Variants in FBXO16 observed in about 807,000 individuals in gnomAD.
FBXO16 encodes F-box protein 16.
A neutral mutation model predicts 41.0 loss-of-function variants in FBXO16; 31 were observed. The observed-to-expected ratio is 0.76, with a 90% CI of 0.57 to 1.02. The LOEUF (loss-of-function observed/expected upper bound fraction) is 1.02. Ranked by LOEUF, FBXO16 falls within the 50% of genes least tolerant of loss-of-function variation. FBXO16 has a pLI of 0.00. For missense variants in FBXO16, 361 were observed against 346.2 expected (o/e 1.04, Z -0.34); for synonymous variants, 133 against 117.8 (o/e 1.13, Z -0.84).
intron 2 of FBXO16, among the ~76,000 whole-genome samples, chr8:28,477,571 T>G (rs1324480077): frequency 1.3e-5 from 2 of 152,190 alleles, no homozygotes; most frequent in South Asian, 2.1e-4. Flanking sequence ...TATGTATGGG[T>G]GTGTGTGTAT....
chr8:28,458,645 C>T (rs536342226), intron 4 of FBXO16, among the ~76,000 whole-genome samples: 5 of 150,204 alleles, frequency 3.3e-5, no homozygotes, highest in South Asian at 4.2e-4. Context: ...CTCCGCCTCC[C>T]GGGATCAAGC....
chr8:28,432,272 G>A (rs575654500), intron 7 of FBXO16, among the ~76,000 whole-genome samples: 2 of 151,904 alleles, frequency 1.3e-5, no homozygotes, highest in African/African-American at 4.8e-5. Flanking sequence ...TCAGGAGTTC[G>A]AGACCAGCCT....
intron 6 of FBXO16, among the ~76,000 whole-genome samples, chr8:28,449,311 ACTT>A (rs1032955491): frequency 1.4e-5 from 2 of 144,376 alleles, no homozygotes; most frequent in Non-Finnish European, 3.0e-5. Flanking sequence ...CAATATGTAG[ACTT>A]CTTTTTTTTT....
chr8:28,439,011 A>C (rs1802724311), intron 7 of FBXO16, among the ~76,000 whole-genome samples: 1 of 151,446 alleles, frequency 6.6e-6, no homozygotes, highest in African/African-American at 2.4e-5. Flanking sequence ...GAGGCAGGAG[A>C]ATCGTTTGAA....
At chr8:28,478,478 T>C (rs1338774984) in intron 2 of FBXO16, among the ~76,000 whole-genome samples, 1 of 152,070 alleles carries the variant, frequency 6.6e-6, no homozygotes, top group Non-Finnish European at 1.5e-5. Context: ...CTTGCCACAA[T>C]GTAAGACAAA....
At chr8:28,489,531 A>C (rs1456394181) in intron 1 of FBXO16, among the ~76,000 whole-genome samples, 3 of 75,900 alleles carry the variant, frequency 4.0e-5, no homozygotes, top group African/African-American at 1.1e-4. Context: ...TCTACAAAAA[A>C]AAAAAAAAAA....
At chr8:28,484,886 G>A (rs757456868) in intron 1 of FBXO16, among the ~76,000 whole-genome samples, 107 of 151,710 alleles carry the variant, frequency 7.1e-4, no homozygotes, top group Middle Eastern at 3.4e-3. Context: ...GAGCCACCGC[G>A]CCCGGCCAAG....
chr8:28,468,355 T>C (rs1803278598), intron 3 of FBXO16, among the ~76,000 whole-genome samples: 1 of 152,138 alleles, frequency 6.6e-6, no homozygotes, highest in South Asian at 2.1e-4. Context: ...AGTGAGAAGG[T>C]TGCTAGGGCG....
At chr8:28,488,348 G>A (rs925208941) in intron 1 of FBXO16, among the ~76,000 whole-genome samples, 3 of 146,710 alleles carry the variant, frequency 2.0e-5, no homozygotes, top group African/African-American at 7.7e-5. Context: ...TCAGGCTGGA[G>A]GGCAGTGGTG....
intron 7 of FBXO16, among the ~76,000 whole-genome samples, chr8:28,433,956 A>ATTTTTTTTT (rs773888558): frequency 3.6e-4 from 42 of 118,296 alleles, no homozygotes; most frequent in African/African-American, 1.4e-3. Flanking sequence ...TCACTCCCTG[A>ATTTTTTTTT]TTTTTTTTTT....
chr8:28,445,272 T>C (rs1235441218), intron 7 of FBXO16, among the ~76,000 whole-genome samples: 2 of 152,210 alleles, frequency 1.3e-5, no homozygotes, highest in African/African-American at 2.4e-5. Context: ...CCTTTCAGGC[T>C]TAATTAGCGC....
At chr8:28,467,002 G>T (rs1392514012) in intron 3 of FBXO16, among the ~76,000 whole-genome samples, 1 of 152,110 alleles carries the variant, frequency 6.6e-6, no homozygotes, top group Non-Finnish European at 1.5e-5. Context: ...GCGTACAGTG[G>T]TGCAATCCTA....
chr8:28,448,341 A>C (rs1273215978), intron 6 of FBXO16, among the ~76,000 whole-genome samples: 3 of 124,148 alleles, frequency 2.4e-5, no homozygotes, highest in African/African-American at 1.1e-4. Context: ...ACCCTAAATC[A>C]AAAAAAAAAA....
chr8:28,432,775 A>T (rs540269860), intron 7 of FBXO16, among the ~76,000 whole-genome samples: 2 of 151,726 alleles, frequency 1.3e-5, no homozygotes, highest in South Asian at 4.2e-4. Flanking sequence ...AGAATATTCC[A>T]GCCAGGCATG....
intron 7 of FBXO16, among the ~76,000 whole-genome samples, chr8:28,444,038 A>G (rs1802822016): frequency 6.6e-6 from 1 of 152,112 alleles, no homozygotes; most frequent in Admixed American, 6.5e-5. Flanking sequence ...TAGGTTCTTA[A>G]TAAACTTGCT....
At chr8:28,442,022 C>G (rs1198563652) in intron 7 of FBXO16, among the ~76,000 whole-genome samples, 3 of 145,988 alleles carry the variant, frequency 2.1e-5, no homozygotes, top group African/African-American at 7.5e-5. Flanking sequence ...CAGCTCACTG[C>G]AACCTCTGCC....
chr8:28,458,057 A>G lies in FBXO16; in HGVS notation c.343-1127T>C, dbSNP rs77125889. Among the ~76,000 whole-genome samples, 5 of 152,296 alleles carry G rather than the reference A, an allele frequency of 3.3e-5. No homozygotes were observed. In the East Asian group the frequency reaches 7.7e-4, roughly 23 times the overall value. On this transcript the variant is annotated intron_variant, in intron 4 of 8. Transcript: ENST00000380254. ...GTAAGAGTTGCAAAGATGACATACA[A>G]CCTTCAAGCCCAAATTTCACCCTTA... is the stretch of plus-strand genomic sequence containing the variant.
At chr8:28,474,272 C>A (rs1585917268) in intron 2 of FBXO16, among the ~76,000 whole-genome samples, 1 of 115,168 alleles carries the variant, frequency 8.7e-6, no homozygotes. Context: ...GAGCTATGAT[C>A]ACGTCACTGT....
chr8:28,440,732 A>C (rs1453672436), intron 7 of FBXO16, among the ~76,000 whole-genome samples: 1 of 152,222 alleles, frequency 6.6e-6, no homozygotes, highest in Non-Finnish European at 1.5e-5. Flanking sequence ...TAAGGCAATC[A>C]GGGTAAGCAG....
Sources: allele counts gnomAD v4.1 joint callset (sites outside exome capture counted in the v4.1 genomes callset), GRCh38; gene constraint gnomAD v4.1.1; transcripts MANE v1.5; gene names NCBI Gene and HGNC (gene_info 2026-07-23, HGNC 2026-07-21).